Variants in PHF14 observed in about 807,000 individuals in gnomAD.
The protein encoded by PHF14 is PHD finger protein 14.
A neutral mutation model predicts 117.9 loss-of-function variants in PHF14; 55 were observed. The ratio of observed to expected loss-of-function variants is 0.47; its 90% CI spans 0.38 to 0.58. The LOEUF (loss-of-function observed/expected upper bound fraction) is 0.58. Ranked by LOEUF, PHF14 falls within the 20% of genes least tolerant of loss-of-function variation. The probability of loss-of-function intolerance (pLI) is 0.00; values close to 1 mark genes in which losing one functional copy is unlikely to be tolerated. For synonymous variants in PHF14, 409 were observed against 368.6 expected (o/e 1.11, Z -1.26); for missense variants, 978 against 1,122.2 (o/e 0.87, Z 1.84).
chr7:11,078,872 A>G (rs928521383), intron 16 of PHF14, among the ~76,000 whole-genome samples: 3 of 152,198 alleles, frequency 2.0e-5, no homozygotes, highest in African/African-American at 7.2e-5. Flanking sequence ...TCTGTAAAAC[A>G]AAGTAAATTG....
chr7:11,105,596 C>G (rs1049376367), intron 16 of PHF14: 1 of 984,252 alleles, frequency 1.0e-6, no homozygotes, highest in Non-Finnish European at 1.2e-6. Context: ...TCCTGACATA[C>G]GAAGGCAGAA....
chr7:11,040,374 G>GT (rs905863867), intron 11 of PHF14, among the ~76,000 whole-genome samples: 7 of 151,488 alleles, frequency 4.6e-5, no homozygotes, highest in Admixed American at 6.6e-5. Flanking sequence ...ACTGTGTTTT[G>GT]TTTTTTTTAA....
At chr7:11,104,519 C>T (rs1787193621) in intron 16 of PHF14, 6 of 981,374 alleles carry the variant, frequency 6.1e-6, no homozygotes, top group Non-Finnish European at 6.0e-6. Context: ...TTTCACAGAC[C>T]TACATAAGAA....
intron 4 of PHF14, among the ~76,000 whole-genome samples, chr7:11,001,721 T>C (rs1047672146): frequency 6.6e-6 from 1 of 152,216 alleles, no homozygotes; most frequent in Non-Finnish European, 1.5e-5. Context: ...TAAGTTTGTA[T>C]GCTGCAGTCT....
chr7:11,028,045 A>ATATAG (rs1783984672), intron 6 of PHF14, among the ~76,000 whole-genome samples: 5 of 152,154 alleles, frequency 3.3e-5, no homozygotes, highest in Non-Finnish European at 7.4e-5. Context: ...ATGGGTTTAC[A>ATATAG]TCCTGATAAA....
At chr7:11,120,108 TAGTAGGAAGATAG>T (rs1787708421) in intron 17 of PHF14, among the ~76,000 whole-genome samples, 1 of 151,944 alleles carries the variant, frequency 6.6e-6, no homozygotes, top group African/African-American at 2.4e-5. Flanking sequence ...ATGCGTCGTA[TAGTAGGAAGATAG>T]AGTAATTTAA....
chr7:11,105,304 T>C (rs1390599203), intron 16 of PHF14: 5 of 943,730 alleles, frequency 5.3e-6, no homozygotes, highest in Non-Finnish European at 6.3e-6. Flanking sequence ...AAAAATAGAC[T>C]GCTGACCAAT....
intron 16 of PHF14, chr7:11,063,849 T>G: frequency 4.0e-6 from 1 of 247,610 alleles, no homozygotes; most frequent in Non-Finnish European, 6.4e-6. Flanking sequence ...TTCTTTAGTT[T>G]CTGTTATGAA....
At chr7:11,132,769 T>A (rs1788123906) in intron 17 of PHF14, among the ~76,000 whole-genome samples, 1 of 151,900 alleles carries the variant, frequency 6.6e-6, no homozygotes, top group African/African-American at 2.4e-5. Context: ...ACATTTGTTA[T>A]CTTTTGACTT....
intron 16 of PHF14, among the ~76,000 whole-genome samples, chr7:11,080,484 T>C (rs946305512): frequency 1.3e-5 from 2 of 152,122 alleles, no homozygotes; most frequent in African/African-American, 4.8e-5. Flanking sequence ...TCCTTTTCAC[T>C]CAACTAAATA....
At chr7:11,097,001 C>T (rs1308898608) in intron 16 of PHF14, among the ~76,000 whole-genome samples, 3 of 103,222 alleles carry the variant, frequency 2.9e-5, no homozygotes, top group African/African-American at 8.4e-5. Context: ...TTTTTTGAGA[C>T]GGAGTTTTGC....
intron 17 of PHF14, among the ~76,000 whole-genome samples, chr7:11,146,529 ATAT>A (rs1321081029): frequency 6.6e-6 from 1 of 152,180 alleles, no homozygotes; most frequent in African/African-American, 2.4e-5. Flanking sequence ...AGACTACAAA[ATAT>A]TATATACCCC....
intron 9 of PHF14, 98 bp from the exon 10 acceptor site, chr7:11,036,887 T>C (rs41272942): frequency 4.1e-6 from 4 of 969,534 alleles, no homozygotes; most frequent in Middle Eastern, 3.0e-4. Context: ...AGTTTTAAAC[T>C]ATGTAGGTTT....
intron 16 of PHF14, among the ~76,000 whole-genome samples, chr7:11,099,206 A>G (rs1169822391): frequency 1.3e-5 from 2 of 152,158 alleles, no homozygotes; most frequent in African/African-American, 4.8e-5. Context: ...TGTTAGACAC[A>G]TGGAATGGCT....
At chr7:11,145,386 ACT>A (rs958198703) in intron 17 of PHF14, among the ~76,000 whole-genome samples, 16 of 152,204 alleles carry the variant, frequency 1.1e-4, no homozygotes, top group Admixed American at 3.9e-4. Context: ...TATCTGAAAA[ACT>A]CACATTTTTA....
intron 4 of PHF14, among the ~76,000 whole-genome samples, chr7:11,000,384 G>T (rs1197427945): frequency 1.6e-5 from 2 of 126,088 alleles, no homozygotes; most frequent in African/African-American, 6.2e-5. Context: ...CTGTTGTTCT[G>T]GCTGGAGTGC....
intron 17 of PHF14, among the ~76,000 whole-genome samples, chr7:11,142,137 C>T (rs1222433502): frequency 6.6e-6 from 1 of 151,902 alleles, no homozygotes; most frequent in Admixed American, 6.6e-5. Context: ...TGAGCTTTCT[C>T]CAAAATGTAG....
chr7:11,025,601 G>A (rs1015185735), intron 6 of PHF14, among the ~76,000 whole-genome samples: 6 of 151,606 alleles, frequency 4.0e-5, no homozygotes, highest in Non-Finnish European at 5.9e-5. Context: ...AGACCATCCC[G>A]GGTAACACGG....
chr7:11,085,033 T>C (rs1415094942), intron 16 of PHF14, among the ~76,000 whole-genome samples: 1 of 152,162 alleles, frequency 6.6e-6, no homozygotes, highest in African/African-American at 2.4e-5. Context: ...TGGTATGTTT[T>C]GCTGAATTGA....
Sources: allele counts gnomAD v4.1 joint callset (sites outside exome capture counted in the v4.1 genomes callset), GRCh38; gene constraint gnomAD v4.1.1; transcripts MANE v1.5; gene names NCBI Gene and HGNC (gene_info 2026-07-23, HGNC 2026-07-21).